MMP26: variants seen among roughly 807,000 people sequenced by gnomAD.
The protein encoded by MMP26 is matrix metalloproteinase-26.
A neutral mutation model predicts 31.0 loss-of-function variants in MMP26; 33 were observed. That is an observed-to-expected ratio of 1.06 (90% CI 0.81 to 1.42). The LOEUF is 1.42. MMP26 is among the 40% of genes most tolerant of loss of function. The probability of loss-of-function intolerance (pLI) is 0.00; values close to 1 mark genes in which losing one functional copy is unlikely to be tolerated. For synonymous variants in MMP26, 122 were observed against 114.9 expected (o/e 1.06, Z -0.40); for missense variants, 347 against 316.1 (o/e 1.10, Z -0.74).
intron 1 of MMP26, among the ~76,000 whole-genome samples, chr11:4,709,227 G>C (rs1389130629): frequency 6.6e-6 from 1 of 152,008 alleles, no homozygotes; most frequent in South Asian, 2.1e-4. Flanking sequence ...ATCTGCCCGT[G>C]TACATACAGT....
intron 2 of MMP26, among the ~76,000 whole-genome samples, chr11:4,863,299 CT>C (rs1408311700): frequency 6.6e-6 from 1 of 151,428 alleles, no homozygotes; most frequent in Non-Finnish European, 1.5e-5. Flanking sequence ...TTTTCAGACC[CT>C]TCCTTTCTCT....
rs756022895 is a variant in MMP26 at position 4,933,535 on chromosome 11, TTTTG to T, written c.-144-54525_-144-54522del. Among the ~76,000 whole-genome samples the T allele has an allele frequency of 9.2e-3, 1,296 of 141,632 alleles. 10 individuals carry two copies. The highest frequency in any genetic ancestry group is 0.028 in the Middle Eastern group (8 of 282). The allele number at this position is 141,632 out of a possible 152,430, so 92.9% of individuals were successfully genotyped here. ...ACCCTGTTATTTTTTTTGTTTTTTT[TTTTG>T]TTTGTTTTTGTTTTTTGTTTGTTTT... On this transcript the variant is annotated intron_variant, in intron 2 of 7. Transcript: ENST00000380390.
chr11:4,943,386 G>T, intron 2 of MMP26: 6 of 402,558 alleles, frequency 1.5e-5, no homozygotes, highest in South Asian at 7.4e-5. Context: ...AACTTCTCTG[G>T]TATCAGATTG....
chr11:4,953,675 AG>A lies in MMP26; in HGVS notation c.-144-34391del, dbSNP rs1196878562. Among the ~76,000 whole-genome samples, 2 of 126,162 alleles carry A rather than the reference AG, an allele frequency of 1.6e-5. 1 individual carries two copies. Among genetic ancestry groups the A allele is most frequent in the Non-Finnish European group, 3.6e-5 (2 of 55,646 alleles). The allele number at this position is 126,162 out of a possible 152,430, so 82.8% of individuals were successfully genotyped here. ...TCTGTAAATTCAAAAACGATTCAGT[AG>A]GTCAATGTGGCTGGAGATTAATGAA... On this transcript the variant is annotated intron_variant, in intron 2 of 7. Transcript: ENST00000380390.
At chr11:4,886,896 T>C (rs1259523426) in intron 2 of MMP26, among the ~76,000 whole-genome samples, 1 of 151,848 alleles carries the variant, frequency 6.6e-6, no homozygotes, top group Non-Finnish European at 1.5e-5. Context: ...TTCCCATCCA[T>C]ATGTGATTTG....
intron 2 of MMP26, among the ~76,000 whole-genome samples, chr11:4,790,086 A>T (rs1237330020): frequency 1.3e-5 from 2 of 152,100 alleles, no homozygotes; most frequent in African/African-American, 4.8e-5. Flanking sequence ...TCACGCCTGT[A>T]ATCCCAGCAC....
intron 2 of MMP26, among the ~76,000 whole-genome samples, chr11:4,949,658 G>A (rs1231219322): frequency 8.4e-6 from 1 of 119,458 alleles, no homozygotes; most frequent in Non-Finnish European, 1.9e-5. Flanking sequence ...GATAGTGAAG[G>A]AATAACAACA....
At chr11:4,968,149 C>A (rs1239247995) in intron 2 of MMP26, among the ~76,000 whole-genome samples, 1 of 151,986 alleles carries the variant, frequency 6.6e-6, no homozygotes, top group Non-Finnish European at 1.5e-5. Context: ...AAAAATAATA[C>A]CTGGAATTAC....
In MMP26 at chr11:4,723,507, C is replaced by T. The variant is rs966907990; in HGVS notation, c.-217+18462C>T. 29 of 1,159,698 alleles carry T rather than the reference C, an allele frequency of 2.5e-5. No individual in the cohort carries two copies. In the Admixed American group the frequency reaches 4.7e-4, roughly 19 times the overall value. The allele number at this position is 1,159,698 out of a possible 1,614,324, so 71.8% of individuals were successfully genotyped here. Reference sequence around the variant, plus strand: ...GCTCTGGGATCTCCTCTTCATACAGCTGCCTGAGGAAGTTGATCTCGTCAG... The same window carrying T: ...GCTCTGGGATCTCCTCTTCATACAGTTGCCTGAGGAAGTTGATCTCGTCAG... On this transcript the variant is annotated intron_variant, in intron 1 of 7. Transcript: ENST00000380390.
chr11:4,984,348 T>C (rs114649801), intron 2 of MMP26, among the ~76,000 whole-genome samples: 2,031 of 152,296 alleles, frequency 0.013, 51 homozygotes, highest in African/African-American at 0.045. Flanking sequence ...AAACACCTAC[T>C]TCACAGGTAG....
chr11:4,713,545 G>C (rs908411972), intron 1 of MMP26, among the ~76,000 whole-genome samples: 2 of 152,164 alleles, frequency 1.3e-5, no homozygotes, highest in Non-Finnish European at 2.9e-5. Context: ...TGTTTCCACA[G>C]GTGGTTCCCT....
At chr11:4,847,989 C>T (rs1045753230) in intron 2 of MMP26, 1 of 456,498 alleles carries the variant, frequency 2.2e-6, no homozygotes, top group African/African-American at 2.0e-5. Flanking sequence ...ATAGTTGTGA[C>T]AAGATCTGGA....
chr11:4,769,498 A>G (rs751131788), intron 2 of MMP26: 1 of 1,613,962 alleles, frequency 6.2e-7, no homozygotes, highest in Admixed American at 1.7e-5. Context: ...TGATTCTGGA[A>G]TTAGTGAGAA....
intron 2 of MMP26, among the ~76,000 whole-genome samples, chr11:4,983,047 C>T (rs183210356): frequency 2.0e-5 from 3 of 152,288 alleles, no homozygotes; most frequent in South Asian, 2.1e-4. Flanking sequence ...TTCTATGAGA[C>T]GGTAAACTAA....
At chr11:4,914,703 C>G in intron 2 of MMP26, 4 of 1,580,320 alleles carry the variant, frequency 2.5e-6, no homozygotes, top group Non-Finnish European at 3.5e-6. Context: ...GACAGTGGCT[C>G]TAACACTAGA....
At chr11:4,711,172 T>G (rs1411075582) in intron 1 of MMP26, 1 of 152,212 alleles carries the variant, frequency 6.6e-6, no homozygotes, top group Non-Finnish European at 1.5e-5. Context: ...AATGAACATG[T>G]GGAAACTGCT....
chr11:4,869,724 A>G lies in MMP26; in HGVS notation c.-145+102383A>G, dbSNP rs1850285836. 3.9e-5 allele frequency among the ~76,000 whole-genome samples: 6 copies of G among 152,298 alleles called. No homozygotes were observed. The South Asian group carries it at 1.2e-3, about 32-fold the overall frequency. On this transcript the variant is annotated intron_variant, in intron 2 of 7. Transcript: ENST00000380390. Reference sequence around the variant, plus strand: ...CCAGCAATCCCATTACTGGGTATATACCCAAAGGATTATAAATCATGCTGC... The same window carrying G: ...CCAGCAATCCCATTACTGGGTATATGCCCAAAGGATTATAAATCATGCTGC...
At chr11:4,991,568 T>C (rs1482047408) in intron 6 of MMP26, 72 bp downstream of exon 6, 2 of 1,573,398 alleles carry the variant, frequency 1.3e-6, no homozygotes, top group African/African-American at 1.3e-5. Flanking sequence ...GGTTTCCATT[T>C]AGGGATCCAG....
At chr11:4,759,127 A>G (rs1174332508) in intron 1 of MMP26, among the ~76,000 whole-genome samples, 2 of 151,374 alleles carry the variant, frequency 1.3e-5, no homozygotes, top group African/African-American at 4.8e-5. Context: ...AAAAAAAAAA[A>G]AAAAAAAAGA....
Sources: gnomAD v4.1 joint callset for allele counts (sites outside exome capture counted in the v4.1 genomes callset) on GRCh38, gnomAD v4.1.1 for gene constraint, MANE v1.5 for transcripts, NCBI Gene and HGNC (gene_info 2026-07-23, HGNC 2026-07-21) for gene names.